The following OR2L13 variants were observed in gnomAD, a reference collection of about 807,000 sequenced individuals.
OR2L13 encodes the protein olfactory receptor 2L13.
Under a neutral mutation model 15.3 loss-of-function variants are expected in OR2L13, and 14 were observed. That is an observed-to-expected ratio of 0.91 (90% confidence interval 0.60 to 1.43). The LOEUF is 1.43. Ranked by LOEUF, OR2L13 falls within the 40% of genes most tolerant of loss-of-function variation. The pLI, the probability that OR2L13 is intolerant of heterozygous loss-of-function variation, is 0.00. For missense variants in OR2L13, 367 were observed against 387.9 expected (o/e 0.95, Z 0.45); for synonymous variants, 152 against 142.9 (o/e 1.06, Z -0.45).
At chr1:247,945,424 A>G in the OR2L13 span, among the ~76,000 whole-genome samples, 1 of 152,280 alleles carries the variant, frequency 6.6e-6, no homozygotes, top group East Asian at 1.9e-4. Context: ...TTTTACTTCC[A>G]ATTATGTGGT....
At chr1:247,947,992 G>T in the OR2L13 span, among the ~76,000 whole-genome samples, 1 of 152,136 alleles carries the variant, frequency 6.6e-6, no homozygotes, top group South Asian at 2.1e-4. Flanking sequence ...GAGACAGGAG[G>T]ATTACTGAGG....
chr1:247,979,302 C>G, the OR2L13 span, among the ~76,000 whole-genome samples: 1 of 152,046 alleles, frequency 6.6e-6, no homozygotes, highest in Non-Finnish European at 1.5e-5. Context: ...CTAATGCTAT[C>G]CCTCCCTCAG....
the OR2L13 span, among the ~76,000 whole-genome samples, chr1:247,976,148 C>A: frequency 2.0e-5 from 3 of 151,822 alleles, no homozygotes; most frequent in African/African-American, 7.3e-5. Context: ...GGGGATAAGC[C>A]AATTTGTCTT....
chr1:248,031,028 C>A, the OR2L13 span, among the ~76,000 whole-genome samples: 88 of 152,140 alleles, frequency 5.8e-4, no homozygotes, highest in Middle Eastern at 6.8e-3. Context: ...AAAATGAAAG[C>A]AAGTAGAAAT....
At chr1:248,038,628 C>T in the OR2L13 span, 40 of 1,614,114 alleles carry the variant, frequency 2.5e-5, no homozygotes, top group Non-Finnish European at 3.1e-5. Flanking sequence ...GGCCTATGAT[C>T]GTTATGTGGC....
chr1:247,974,038 T>C, the OR2L13 span, among the ~76,000 whole-genome samples: 27 of 152,314 alleles, frequency 1.8e-4, no homozygotes, highest in South Asian at 8.3e-4. Context: ...CAAATGCCCA[T>C]CAATGATAGA....
At chr1:248,085,954 G>A in the OR2L13 span, among the ~76,000 whole-genome samples, 1 of 152,094 alleles carries the variant, frequency 6.6e-6, no homozygotes, top group African/African-American at 2.4e-5. Flanking sequence ...TTGTTCACCT[G>A]CTGCTTACCT....
At chr1:248,011,317 C>T in the OR2L13 span, among the ~76,000 whole-genome samples, 2 of 152,096 alleles carry the variant, frequency 1.3e-5, no homozygotes, top group African/African-American at 4.8e-5. Context: ...TAGAGAGATC[C>T]ACTGTTAATT....
At chr1:248,054,304 T>A in the OR2L13 span, among the ~76,000 whole-genome samples, 1 of 152,212 alleles carries the variant, frequency 6.6e-6, no homozygotes, top group African/African-American at 2.4e-5. Flanking sequence ...TCTATTCTGT[T>A]CCATTGGTCT....
At chr1:248,085,339 C>A in the OR2L13 span, among the ~76,000 whole-genome samples, 1 of 150,554 alleles carries the variant, frequency 6.6e-6, no homozygotes, top group African/African-American at 2.4e-5. Flanking sequence ...CACCATCGCC[C>A]TGGTATACTT....
At chr1:248,005,454 G>A in the OR2L13 span, among the ~76,000 whole-genome samples, 2 of 152,068 alleles carry the variant, frequency 1.3e-5, no homozygotes, top group African/African-American at 2.4e-5. Context: ...TTCCATGTTT[G>A]TAGTATAGTT....
chr1:247,951,281 T>C, the OR2L13 span, among the ~76,000 whole-genome samples: 7 of 152,216 alleles, frequency 4.6e-5, no homozygotes, highest in Admixed American at 2.6e-4. Context: ...TCTTTCATAG[T>C]TCATACAAAT....
At chr1:248,045,590 G>T in the OR2L13 span, among the ~76,000 whole-genome samples, 1 of 152,144 alleles carries the variant, frequency 6.6e-6, no homozygotes, top group Non-Finnish European at 1.5e-5. Context: ...TTACCTGGTT[G>T]CACTAGACAT....
the OR2L13 span, among the ~76,000 whole-genome samples, chr1:248,075,549 C>G: frequency 6.6e-6 from 1 of 152,186 alleles, no homozygotes; most frequent in South Asian, 2.1e-4. Flanking sequence ...GCCATTCTAA[C>G]TGGCGTGAGA....
the OR2L13 span, among the ~76,000 whole-genome samples, chr1:247,946,865 A>T: frequency 6.6e-6 from 1 of 152,206 alleles, no homozygotes; most frequent in Non-Finnish European, 1.5e-5. Context: ...TACAAAAAAA[A>T]ACTATTGCAT....
At chr1:247,958,602 C>G in the OR2L13 span, among the ~76,000 whole-genome samples, 1 of 152,090 alleles carries the variant, frequency 6.6e-6, no homozygotes, top group African/African-American at 2.4e-5. Flanking sequence ...TCTCTACGGA[C>G]TTGCTTTATG....
the OR2L13 span, among the ~76,000 whole-genome samples, chr1:248,027,682 T>C: frequency 6.2e-3 from 936 of 152,172 alleles, 5 homozygotes; most frequent in African/African-American, 0.021. Context: ...ATATTGGGCC[T>C]AAAAATAAAC....
the OR2L13 span, among the ~76,000 whole-genome samples, chr1:248,044,629 C>T: frequency 1.5e-4 from 15 of 97,374 alleles, 1 homozygote; most frequent in Admixed American, 1.2e-3. Flanking sequence ...AGGTGAAACC[C>T]CGTCTCTACT....
the OR2L13 span, among the ~76,000 whole-genome samples, chr1:247,985,230 C>G: frequency 6.6e-6 from 1 of 151,990 alleles, no homozygotes; most frequent in South Asian, 2.1e-4. Context: ...TTAGGTATAT[C>G]TCCTAATGCC....
Sources: gnomAD v4.1 joint callset for allele counts (sites outside exome capture counted in the v4.1 genomes callset) on GRCh38, gnomAD v4.1.1 for gene constraint, MANE v1.5 for transcripts, NCBI Gene and HGNC (gene_info 2026-07-23, HGNC 2026-07-21) for gene names.